The following PRLR variants were observed in gnomAD, a reference collection of about 807,000 sequenced individuals.
PRLR encodes the protein prolactin receptor, also known as hPRL receptor.
In PRLR, 13 loss-of-function variants were observed where a neutral mutation model predicts 40.2. The observed-to-expected ratio is 0.32, with a 90% confidence interval of 0.21 to 0.51. The LOEUF is 0.51. PRLR is among the 20% of genes least tolerant of loss of function. The pLI, the probability that PRLR is intolerant of heterozygous loss-of-function variation, is 0.97. For synonymous variants in PRLR, 269 were observed against 278.7 expected (o/e 0.97, Z 0.35); for missense variants, 656 against 747.3 (o/e 0.88, Z 1.42).
At chr5:35,121,719 C>A (rs1446650591) in intron 1 of PRLR, among the ~76,000 whole-genome samples, 2 of 152,154 alleles carry the variant, frequency 1.3e-5, no homozygotes, top group Non-Finnish European at 2.9e-5. Flanking sequence ...ATTATTACCC[C>A]TACTTTATTG....
chr5:35,194,832 C>T (rs184772912), intron 1 of PRLR, among the ~76,000 whole-genome samples: 230 of 152,218 alleles, frequency 1.5e-3, no homozygotes, highest in African/African-American at 5.2e-3. Context: ...ATGATAGATA[C>T]AGGTCATTAT....
intron 1 of PRLR, among the ~76,000 whole-genome samples, chr5:35,142,743 G>T (rs145781495): frequency 6.6e-6 from 1 of 152,332 alleles, no homozygotes; most frequent in East Asian, 1.9e-4. Context: ...GTATTAAGCG[G>T]CAGATCTATT....
At chr5:35,099,946 G>C (rs1388615812) in intron 2 of PRLR, among the ~76,000 whole-genome samples, 2 of 152,072 alleles carry the variant, frequency 1.3e-5, no homozygotes, top group African/African-American at 4.8e-5. Context: ...GGAGGCTGAA[G>C]CGGGCAGATC....
At chr5:35,189,522 A>G (rs7721404) in intron 1 of PRLR, among the ~76,000 whole-genome samples, 94,464 of 151,580 alleles carry the variant, frequency 0.62, 30,136 homozygotes, top group Middle Eastern at 0.69. Flanking sequence ...CAGAGGTTGT[A>G]GTGAGCTGAG....
intron 1 of PRLR, among the ~76,000 whole-genome samples, chr5:35,184,062 A>G (rs947284312): frequency 2.6e-5 from 4 of 152,216 alleles, no homozygotes; most frequent in East Asian, 1.9e-4. Flanking sequence ...GCCCTTACCT[A>G]TAAGACCTTG....
chr5:35,066,739 C>G (rs1302535494), intron 9 of PRLR, among the ~76,000 whole-genome samples: 1 of 151,264 alleles, frequency 6.6e-6, no homozygotes, highest in Admixed American at 6.6e-5. Context: ...TTTCCTCCTG[C>G]CTCCTCCTCT....
intron 2 of PRLR, among the ~76,000 whole-genome samples, chr5:35,090,689 T>C (rs1214812503): frequency 6.7e-6 from 1 of 149,860 alleles, no homozygotes; most frequent in Non-Finnish European, 1.5e-5. Context: ...GATGAGCCCC[T>C]GAAAGACCAG....
intron 9 of PRLR, among the ~76,000 whole-genome samples, chr5:35,066,795 G>A (rs528170748): frequency 5.8e-5 from 7 of 120,314 alleles, no homozygotes; most frequent in South Asian, 2.6e-4. Flanking sequence ...ACGGAGTCTC[G>A]CTCTGTTGCC....
At chr5:35,053,428 G>A (rs534987127), downstream of PRLR, among the ~76,000 whole-genome samples, 37 of 152,256 alleles carry the variant, frequency 2.4e-4, no homozygotes, top group African/African-American at 7.5e-4. Flanking sequence ...CGAGGCCGGC[G>A]GATCACCTGA....
intron 2 of PRLR, among the ~76,000 whole-genome samples, chr5:35,103,930 G>T (rs1440121107): frequency 1.3e-5 from 2 of 152,134 alleles, no homozygotes; most frequent in Non-Finnish European, 2.9e-5. Context: ...TTGCCTAAAA[G>T]ATCCTATTAT....
chr5:35,154,179 T>C (rs1371391997), intron 1 of PRLR, among the ~76,000 whole-genome samples: 1 of 152,170 alleles, frequency 6.6e-6, no homozygotes, highest in East Asian at 1.9e-4. Context: ...CATAGAATTA[T>C]AGAACTGTCA....
intron 2 of PRLR, among the ~76,000 whole-genome samples, chr5:35,112,144 G>A (rs1772699664): frequency 6.6e-6 from 1 of 152,210 alleles, no homozygotes; most frequent in African/African-American, 2.4e-5. Flanking sequence ...TTCTTAGCCT[G>A]TGTTGAATGA....
intron 1 of PRLR, among the ~76,000 whole-genome samples, chr5:35,159,329 A>G (rs981088605): frequency 6.6e-6 from 1 of 151,988 alleles, no homozygotes; most frequent in African/African-American, 2.4e-5. Context: ...GGAAAAAAAA[A>G]AAAAAAAAGG....
chr5:35,225,866 G>C (rs1320584422), intron 1 of PRLR, among the ~76,000 whole-genome samples: 1 of 152,170 alleles, frequency 6.6e-6, no homozygotes, highest in Non-Finnish European at 1.5e-5. Flanking sequence ...ATTTTTAATA[G>C]AGACGGGGTT....
intron 2 of PRLR, among the ~76,000 whole-genome samples, chr5:35,117,539 G>C (rs1773097446): frequency 6.6e-6 from 1 of 152,168 alleles, no homozygotes; most frequent in African/African-American, 2.4e-5. Context: ...GGCAGCCTAG[G>C]GTTTCCTTGC....
chr5:35,147,030 G>C (rs1256228713), intron 1 of PRLR, among the ~76,000 whole-genome samples: 1 of 152,108 alleles, frequency 6.6e-6, no homozygotes, highest in Non-Finnish European at 1.5e-5. Flanking sequence ...TTGAGGAGGA[G>C]AGTAGGATGC....
intron 1 of PRLR, among the ~76,000 whole-genome samples, chr5:35,121,317 T>C (rs557653546): frequency 6.6e-6 from 1 of 152,242 alleles, no homozygotes; most frequent in Non-Finnish European, 1.5e-5. Flanking sequence ...ATCTTCAGCA[T>C]GGTACAGTGC....
At chr5:35,162,067 G>T (rs1357843855) in intron 1 of PRLR, among the ~76,000 whole-genome samples, 1 of 152,150 alleles carries the variant, frequency 6.6e-6, no homozygotes, top group African/African-American at 2.4e-5. Context: ...ATAAATAGCT[G>T]CCGCTTTTCC....
intron 1 of PRLR, among the ~76,000 whole-genome samples, chr5:35,203,677 C>T (rs1775938292): frequency 6.6e-6 from 1 of 152,102 alleles, no homozygotes; most frequent in Non-Finnish European, 1.5e-5. Context: ...TTGCTAGTAA[C>T]TTGTCAAACA....
Sources: allele counts gnomAD v4.1 joint callset (sites outside exome capture counted in the v4.1 genomes callset), GRCh38; gene constraint gnomAD v4.1.1; transcripts MANE v1.5; gene names NCBI Gene and HGNC (gene_info 2026-07-23, HGNC 2026-07-21).